Variants in DAB1 observed in about 807,000 individuals in gnomAD.
The protein encoded by DAB1 is DAB adaptor protein 1, also known as disabled homolog 1.
DAB1 carries 15 observed loss-of-function variants against 64.6 expected under a neutral mutation model. That is an observed-to-expected ratio of 0.23 (90% CI 0.16 to 0.36). The LOEUF (loss-of-function observed/expected upper bound fraction) is 0.36. Among genes scored for constraint, DAB1 ranks in the 10% least tolerant of loss-of-function variants. The pLI, the probability that DAB1 is intolerant of heterozygous loss-of-function variation, is 1.00. For synonymous variants in DAB1, 235 were observed against 251.9 expected (o/e 0.93, Z 0.64); for missense variants, 596 against 706.7 (o/e 0.84, Z 1.78).
rs556636920 is a variant in DAB1 at position 57,228,528 on chromosome 1, C to G, written c.67+62436G>C. On this transcript the variant is annotated intron_variant, in intron 2 of 14. Transcript: ENST00000371236. ...ATTAAAACAAAGATGAGGAATCATT[C>G]TTTACCCATCAGTTTGGCAAAAACT... Among the ~76,000 whole-genome samples, 17 of 152,288 alleles carry G rather than the reference C, an allele frequency of 1.1e-4. No homozygotes were observed. In the East Asian group the frequency reaches 3.3e-3, roughly 29 times the overall value.
intron 2 of DAB1, among the ~76,000 whole-genome samples, chr1:57,151,789 T>C (rs188422973): frequency 6.6e-6 from 1 of 151,614 alleles, no homozygotes; most frequent in East Asian, 1.9e-4. Flanking sequence ...AACCTGAAAA[T>C]TTCTTTTCTA....
At chr1:57,554,250 G>A (rs1403561809) in intron 7 of DAB1, among the ~76,000 whole-genome samples, 1 of 152,214 alleles carries the variant, frequency 6.6e-6, no homozygotes, top group South Asian at 2.1e-4. Context: ...GAAGTGCAAT[G>A]CAGTGTTTAA....
At chr1:57,337,212 C>T (rs1677153665) in intron 1 of DAB1, among the ~76,000 whole-genome samples, 1 of 152,234 alleles carries the variant, frequency 6.6e-6, no homozygotes, top group South Asian at 2.1e-4. Context: ...GTCTCTGCTC[C>T]TGCTCGAACT....
intron 2 of DAB1, among the ~76,000 whole-genome samples, chr1:57,278,613 T>C (rs1002031630): frequency 3.3e-5 from 5 of 152,202 alleles, no homozygotes; most frequent in Non-Finnish European, 4.4e-5. Context: ...ATGGCAGTGC[T>C]ATCTGAGCTA....
At chr1:58,400,499 T>G (rs1056551270) in intron 3 of DAB1, among the ~76,000 whole-genome samples, 7 of 152,128 alleles carry the variant, frequency 4.6e-5, no homozygotes, top group African/African-American at 1.4e-4. Flanking sequence ...ACTATTGATG[T>G]GATCCTGGCC....
intron 4 of DAB1, among the ~76,000 whole-genome samples, chr1:57,136,121 T>A (rs915522213): frequency 5.3e-5 from 8 of 152,186 alleles, no homozygotes; most frequent in Non-Finnish European, 1.0e-4. Flanking sequence ...TTCTTTTTGA[T>A]TACAGCAATT....
At chr1:57,113,020 C>T (rs192501254) in intron 4 of DAB1, among the ~76,000 whole-genome samples, 178 of 152,198 alleles carry the variant, frequency 1.2e-3, no homozygotes, top group African/African-American at 4.1e-3. Context: ...GAACATACCA[C>T]TGTGGGGGTA....
At chr1:57,430,619 C>G (rs563160719) in intron 7 of DAB1, among the ~76,000 whole-genome samples, 1 of 151,906 alleles carries the variant, frequency 6.6e-6, no homozygotes, top group Non-Finnish European at 1.5e-5. Flanking sequence ...CCTCGTGATC[C>G]GCCCGCCTAG....
At chr1:58,428,342 G>T (rs1406756925) in intron 3 of DAB1, among the ~76,000 whole-genome samples, 2 of 152,172 alleles carry the variant, frequency 1.3e-5, no homozygotes, top group Non-Finnish European at 2.9e-5. Flanking sequence ...AGGAAATACA[G>T]GAGACAGAGG....
chr1:57,479,389 T>C (rs1643982290), intron 7 of DAB1, among the ~76,000 whole-genome samples: 1 of 150,942 alleles, frequency 6.6e-6, no homozygotes, highest in East Asian at 1.9e-4. Flanking sequence ...AGGAGGTTAC[T>C]AAATAAAAGA....
intron 3 of DAB1, among the ~76,000 whole-genome samples, chr1:58,424,523 A>G (rs1381761776): frequency 1.3e-5 from 2 of 152,234 alleles, no homozygotes; most frequent in Non-Finnish European, 2.9e-5. Context: ...CTCCAGGAGA[A>G]CATGGTCCAA....
At chr1:57,196,664 C>T (rs1444216022) in intron 2 of DAB1, among the ~76,000 whole-genome samples, 1 of 152,196 alleles carries the variant, frequency 6.6e-6, no homozygotes, top group African/African-American at 2.4e-5. Flanking sequence ...GCAATGGAGA[C>T]TCCAGAATAT....
intron 5 of DAB1, among the ~76,000 whole-genome samples, chr1:58,018,012 G>A (rs1646765134): frequency 1.3e-5 from 2 of 152,114 alleles, no homozygotes; most frequent in Admixed American, 1.3e-4. Context: ...TAAAACCACG[G>A]TTCGCCAATT....
At chr1:57,574,357 C>T (rs903505248) in intron 7 of DAB1, among the ~76,000 whole-genome samples, 3 of 152,084 alleles carry the variant, frequency 2.0e-5, no homozygotes, top group African/African-American at 7.2e-5. Flanking sequence ...ATTTGGCAGG[C>T]CCTGGTCAAA....
At chr1:58,164,978 T>C (rs1178996794) in intron 4 of DAB1, among the ~76,000 whole-genome samples, 2 of 152,176 alleles carry the variant, frequency 1.3e-5, no homozygotes, top group Non-Finnish European at 2.9e-5. Context: ...TTAGGAAATG[T>C]CACACAAAAA....
intron 5 of DAB1, chr1:58,049,478 G>GCCC: frequency 4.4e-6 from 1 of 229,412 alleles, no homozygotes; most frequent in Non-Finnish European, 8.6e-6. Context: ...ATTGCAGAAG[G>GCCC]AATTGATTGT....
At chr1:57,412,400 G>A (rs1684180352) in intron 1 of DAB1, among the ~76,000 whole-genome samples, 1 of 152,236 alleles carries the variant, frequency 6.6e-6, no homozygotes, top group Admixed American at 6.5e-5. Context: ...AGCTGAGAGA[G>A]GCTAAAAGCT....
intron 7 of DAB1, among the ~76,000 whole-genome samples, chr1:57,647,200 T>C (rs190336937): frequency 2.0e-5 from 3 of 152,312 alleles, no homozygotes; most frequent in African/African-American, 7.2e-5. Flanking sequence ...TCGTTTCTTC[T>C]TTATCTCCAC....
chr1:58,495,484 A>G (rs1645784778), intron 3 of DAB1, among the ~76,000 whole-genome samples: 2 of 152,012 alleles, frequency 1.3e-5, no homozygotes, highest in Admixed American at 1.3e-4. Context: ...TTTATTTTTC[A>G]TATTATTCAG....
Sources: allele counts gnomAD v4.1 joint callset (sites outside exome capture counted in the v4.1 genomes callset), GRCh38; gene constraint gnomAD v4.1.1; transcripts MANE v1.5; gene names NCBI Gene and HGNC (gene_info 2026-07-23, HGNC 2026-07-21).